SYNE1: variants seen among roughly 807,000 people sequenced by gnomAD.
SYNE1 encodes the protein nesprin-1.
In SYNE1, 616 loss-of-function variants were observed where a neutral mutation model predicts 1,111.0. That is an observed-to-expected ratio of 0.55 (90% CI 0.52 to 0.59). The LOEUF (loss-of-function observed/expected upper bound fraction) is 0.59. SYNE1 is among the 20% of genes least tolerant of loss of function. SYNE1 has a pLI of 0.00. For synonymous variants in SYNE1, 3,855 were observed against 3,825.8 expected (o/e 1.01, Z -0.28); for missense variants, 10,006 against 10,417.0 (o/e 0.96, Z 1.72).
intron 4 of SYNE1, among the ~76,000 whole-genome samples, chr6:152,529,999 C>T (rs1214395141): frequency 6.6e-6 from 1 of 152,166 alleles, no homozygotes; most frequent in Non-Finnish European, 1.5e-5. Flanking sequence ...GCCAAGGCCC[C>T]AGGACAAACA....
intron 53 of SYNE1, 98 bp downstream of exon 53, chr6:152,390,182 T>C: frequency 1.5e-6 from 2 of 1,321,098 alleles, no homozygotes; most frequent in Non-Finnish European, 2.2e-6. Context: ...TACAGTAAAA[T>C]GCTTGGGAAT....
At chr6:152,318,639 G>A (rs780328839) in intron 85 of SYNE1, among the ~76,000 whole-genome samples, 39 of 152,114 alleles carry the variant, frequency 2.6e-4, no homozygotes, top group Non-Finnish European at 4.3e-4. Context: ...CTCTTCTTTC[G>A]TACACACTCA....
In SYNE1 at chr6:152,444,591, G is replaced by GAA. The variant is rs111322292; in HGVS notation, c.3670-15_3670-14dup. The GAA allele has an allele frequency of 8.6e-5, 110 of 1,285,836 alleles. No homozygotes were observed. The highest frequency in any genetic ancestry group is 2.4e-4 in the Admixed American group (11 of 46,068). 79.7% of individuals were successfully genotyped at this position (1,285,836 alleles called of 1,614,324 possible). ...GCATCTTTTCAACCTATATTTTCAT[G>GAA]AAAAAAAAAAACACGTAAATCATAT... On this transcript the variant is annotated splice_polypyrimidine_tract_variant and intron_variant, in intron 29 of 145. Coordinates refer to ENST00000367255, the MANE Select transcript of SYNE1 (RefSeq NM_182961.4).
At chr6:152,410,156 ATAAT>A (rs2154171099) in intron 42 of SYNE1, 1 of 161,070 alleles carries the variant, frequency 6.2e-6, no homozygotes, top group Non-Finnish European at 1.4e-5. Context: ...AGATTACTCA[ATAAT>A]TAAAGTATAT....
At chr6:152,541,745 C>A in intron 3 of SYNE1, among the ~76,000 whole-genome samples, 2 of 68,754 alleles carry the variant, frequency 2.9e-5, no homozygotes, top group South Asian at 4.9e-4. Flanking sequence ...GAGACTCCAT[C>A]TCAAAAAAAA....
chr6:152,598,648 C>T (rs943806417), intron 3 of SYNE1, among the ~76,000 whole-genome samples: 6 of 152,096 alleles, frequency 3.9e-5, no homozygotes, highest in African/African-American at 1.4e-4. Context: ...AGAAAGTCTG[C>T]CATTTGTAGA....
At chr6:152,413,204 A>C in intron 42 of SYNE1, 148 bp downstream of exon 42, 1 of 981,308 alleles carries the variant, frequency 1.0e-6, no homozygotes, top group Non-Finnish European at 1.6e-6. Context: ...GAAATAAGTA[A>C]ATTTTCAATG....
In SYNE1 at chr6:152,330,371, A is replaced by C. The variant is rs143910248; in HGVS notation, c.14314T>G (p.Leu4772Val). 2.0e-5 allele frequency: 32 copies of C among 1,614,092 alleles called. 1 individual carries two copies. Among genetic ancestry groups the C allele is most frequent in the East Asian group, 1.1e-4 (5 of 44,872 alleles). The change falls in exon 78 of 146, where the codon TTA becomes GTA. Residue 4772 changes from leucine (L) to valine (V), a missense_variant. By Grantham distance (32) the Leu-to-Val change is conservative. Around this residue, in one of 7 missense-constraint regions of SYNE1, gnomAD observed 4,955 missense variants for 5,017.2 expected, o/e 0.99. Coordinates refer to ENST00000367255, the MANE Select transcript of SYNE1 (RefSeq NM_182961.4). ...TAAGCACTGGTGGTGTCTTCTAATA[A>C]GCTAACCCTCTGTTCTGTTTGTCGC... ...LKRQTEQRVS[L>V]LEDTTSAYQE...
chr6:152,235,976 C>T, intron 110 of SYNE1, 131 bp downstream of exon 110: 28 of 977,806 alleles, frequency 2.9e-5, no homozygotes, highest in Non-Finnish European at 4.5e-5. Context: ...CTCCTGGCCT[C>T]AAGCAGTCCT....
chr6:152,442,339 G>A (rs2098539317), intron 30 of SYNE1, 94 bp from the exon 31 acceptor site: 2 of 1,469,236 alleles, frequency 1.4e-6, no homozygotes, highest in African/African-American at 1.4e-5. Flanking sequence ...AGTACAGAAA[G>A]GTGGGCCCGA....
At position 152,141,185 on chromosome 6, in the gene SYNE1, T is replaced by G. The variant is rs11756479; in HGVS notation, c.25246+18A>C. The G allele has an allele frequency of 7.0e-3, 11,240 of 1,614,098 alleles. 159 individuals carry two copies. Among genetic ancestry groups the G allele is most frequent in the Admixed American group, 0.053 (3,180 of 60,016 alleles). On this transcript the variant is annotated intron_variant, in intron 139 of 145. Transcript: ENST00000367255. ...TCTTCTATTTCATTCACTCTTGAAC[T>G]GGATGCTACGCACTCACCAGCCGTT...
At chr6:152,127,155 G>A (rs1463406088) in intron 145 of SYNE1, 4 of 152,090 alleles carry the variant, frequency 2.6e-5, no homozygotes, top group Non-Finnish European at 1.5e-5. Context: ...GCAGCCTGTG[G>A]TGGCCTCAGC....
Position 152,408,418 on chromosome 6 carries a change from A to G in SYNE1, c.6540+650T>C, listed in dbSNP as rs556291391. 1.2e-4 allele frequency among the ~76,000 whole-genome samples: 18 copies of G among 152,262 alleles called. No individual in the cohort carries two copies. In the South Asian group the frequency reaches 3.3e-3, roughly 28 times the overall value. ...TATAGCCTTATTACTTAAAATTATTATATGTTATGGTGTAATATTCTATAG... is the reference window on the plus strand; with the variant it reads ...TATAGCCTTATTACTTAAAATTATTGTATGTTATGGTGTAATATTCTATAG... On this transcript the variant is annotated intron_variant, in intron 44 of 145. Coordinates refer to ENST00000367255, the MANE Select transcript of SYNE1 (RefSeq NM_182961.4).
intron 127 of SYNE1, among the ~76,000 whole-genome samples, chr6:152,190,360 G>A (rs1034406631): frequency 1.2e-4 from 18 of 152,078 alleles, no homozygotes; most frequent in African/African-American, 3.4e-4. Context: ...AGTCATCCAC[G>A]ACAGCTGGAA....
chr6:152,189,563 T>C (rs769761790), intron 127 of SYNE1, among the ~76,000 whole-genome samples, 156 bp from the exon 128 acceptor site: 1 of 152,186 alleles, frequency 6.6e-6, no homozygotes, highest in Non-Finnish European at 1.5e-5. Flanking sequence ...ATATTACAGA[T>C]TTGGTTCCAG....
intron 137 of SYNE1, chr6:152,146,024 CAAAAAAAAAA>C (rs57218606): frequency 1.2e-4 from 6 of 49,664 alleles, no homozygotes; most frequent in Admixed American, 5.9e-4. Context: ...GACTTCGTCT[CAAAAAAAAAA>C]AAAAAAAAAA....
intron 42 of SYNE1, 47 bp downstream of exon 42, chr6:152,413,305 T>C (rs1217149553): frequency 6.2e-7 from 1 of 1,600,456 alleles, no homozygotes; most frequent in African/African-American, 1.3e-5. Flanking sequence ...CAATGTCACA[T>C]AATAAGTGGG....
intron 2 of SYNE1, among the ~76,000 whole-genome samples, chr6:152,630,193 G>A (rs954731179): frequency 5.9e-5 from 9 of 151,940 alleles, no homozygotes; most frequent in Non-Finnish European, 8.8e-5. Flanking sequence ...TGCATCAGAA[G>A]GATGTACTGG....
In SYNE1 at chr6:152,208,192, AG is replaced by A; in HGVS notation, c.22603del (p.Leu7535Ter). The A allele has an allele frequency of 6.2e-7, 1 of 1,613,960 alleles. No homozygotes were observed. The highest frequency in any genetic ancestry group is 8.5e-7 in the Non-Finnish European group (1 of 1,179,960). On this transcript the variant is annotated frameshift_variant, in exon 125 of 146. Coordinates refer to ENST00000367255, the MANE Select transcript of SYNE1 (RefSeq NM_182961.4). LOFTEE classifies it high-confidence loss of function. ...GQVDDRDEFN[L>X]KLTLLSNQWQ... ...TTGATTACTGAGGAGTGTCAATTTC[AG>A]GTTGAATTCATCCCTAGTGAAGAAA...
Sources: gnomAD v4.1 joint callset for allele counts (sites outside exome capture counted in the v4.1 genomes callset) on GRCh38, gnomAD v4.1.1 for gene constraint, gnomAD v4.1.1 regional missense constraint, MANE v1.5 for transcripts, NCBI Gene and HGNC (gene_info 2026-07-23, HGNC 2026-07-21) for gene names.